Variants in SLC41A3 observed in about 807,000 individuals in gnomAD.
SLC41A3 encodes SLC41A1-like 2.
In SLC41A3, 44 loss-of-function variants were observed where a neutral mutation model predicts 45.4. The observed-to-expected ratio is 0.97, with a 90% CI of 0.76 to 1.25. The LOEUF is 1.25. SLC41A3 is among the 50% of genes most tolerant of loss of function. SLC41A3 has a pLI of 0.00. For synonymous variants in SLC41A3, 256 were observed against 252.4 expected, an observed-to-expected ratio of 1.01 and a Z score of -0.13; for missense variants, 550 against 600.6, an observed-to-expected ratio of 0.92 and a Z score of 0.88.
At chr3:126,095,541 A>G (rs540417430) in intron 1 of SLC41A3, among the ~76,000 whole-genome samples, 3 of 152,358 alleles carry the variant, frequency 2.0e-5, no homozygotes, top group East Asian at 1.9e-4. Flanking sequence ...GGGCATATTT[A>G]TCAATCTTGG....
chr3:126,032,143 G>C (rs1941842915), intron 4 of SLC41A3, among the ~76,000 whole-genome samples: 1 of 152,190 alleles, frequency 6.6e-6, no homozygotes, highest in Non-Finnish European at 1.5e-5. Context: ...TGAAGGGGTG[G>C]GGGCTGGGCA....
At chr3:126,056,330 C>T in intron 2 of SLC41A3, 1 of 1,607,730 alleles carries the variant, frequency 6.2e-7, no homozygotes, top group Non-Finnish European at 8.5e-7. Context: ...GTCTCCCACC[C>T]CTGATCCCCC....
intron 3 of SLC41A3, among the ~76,000 whole-genome samples, chr3:126,046,467 G>T (rs539073177): frequency 6.6e-6 from 1 of 151,526 alleles, no homozygotes; most frequent in Non-Finnish European, 1.5e-5. Flanking sequence ...CAATAACAAT[G>T]AATAATTCAA....
chr3:126,050,593 T>C (rs2107884413), intron 3 of SLC41A3, among the ~76,000 whole-genome samples: 1 of 152,268 alleles, frequency 6.6e-6, no homozygotes, highest in South Asian at 2.1e-4. Flanking sequence ...GCATTGCTTG[T>C]CGTGGCTTCT....
At chr3:126,053,579 A>G (rs1943476768) in intron 2 of SLC41A3, among the ~76,000 whole-genome samples, 2 of 151,912 alleles carry the variant, frequency 1.3e-5, no homozygotes, top group Non-Finnish European at 2.9e-5. Context: ...TACCTAACCA[A>G]TTCTGGCACT....
At chr3:126,034,910 C>T (rs1480601202) in intron 3 of SLC41A3, among the ~76,000 whole-genome samples, 1 of 152,348 alleles carries the variant, frequency 6.6e-6, no homozygotes, top group African/African-American at 2.4e-5. Context: ...TAAAAGTACA[C>T]ATCTATAGCC....
At chr3:126,059,149 C>A (rs2107956546) in intron 2 of SLC41A3, among the ~76,000 whole-genome samples, 1 of 150,156 alleles carries the variant, frequency 6.7e-6, no homozygotes, top group Middle Eastern at 3.4e-3. Flanking sequence ...TACTTAGGGC[C>A]TAGTAATTGC....
At chr3:126,044,803 G>T (rs1942840934) in intron 3 of SLC41A3, among the ~76,000 whole-genome samples, 1 of 146,478 alleles carries the variant, frequency 6.8e-6, no homozygotes, top group Non-Finnish European at 1.5e-5. Context: ...GGCTGAGGCA[G>T]AAGAATGGCG....
At chr3:126,089,678 A>T (rs930286152) in intron 1 of SLC41A3, among the ~76,000 whole-genome samples, 1 of 152,250 alleles carries the variant, frequency 6.6e-6, no homozygotes, top group Admixed American at 6.5e-5. Flanking sequence ...GTACTTCCCA[A>T]TGACAAAAAC....
chr3:126,055,948 A>C (rs1366914465), intron 2 of SLC41A3, among the ~76,000 whole-genome samples: 1 of 152,084 alleles, frequency 6.6e-6, no homozygotes, highest in East Asian at 1.9e-4. Context: ...TCTGGTCCTC[A>C]CAATTCTGTG....
chr3:126,076,079 T>C (rs1442037344), intron 1 of SLC41A3, among the ~76,000 whole-genome samples: 1 of 152,252 alleles, frequency 6.6e-6, no homozygotes, highest in Non-Finnish European at 1.5e-5. Flanking sequence ...AATCATTATA[T>C]CTAATGAGGG....
chr3:126,089,703 TC>T (rs1945454474), intron 1 of SLC41A3, among the ~76,000 whole-genome samples: 1 of 152,248 alleles, frequency 6.6e-6, no homozygotes, highest in Admixed American at 6.5e-5. Context: ...CTAGAGAATT[TC>T]CAGTTGAGGG....
chr3:126,012,531 C>T (rs1939824020), intron 9 of SLC41A3, 84 bp downstream of exon 9: 1 of 1,567,038 alleles, frequency 6.4e-7, no homozygotes, highest in East Asian at 2.3e-5. Context: ...GCATCCATTG[C>T]TACAAACACC....
intron 1 of SLC41A3, among the ~76,000 whole-genome samples, chr3:126,100,004 G>C (rs1945678204): frequency 6.6e-6 from 1 of 152,140 alleles, no homozygotes; most frequent in Non-Finnish European, 1.5e-5. Flanking sequence ...TCTGCAGTCT[G>C]TTCCTGTTTG....
intron 3 of SLC41A3, among the ~76,000 whole-genome samples, chr3:126,044,875 G>A (rs1467127713): frequency 5.1e-5 from 6 of 117,150 alleles, no homozygotes; most frequent in Admixed American, 1.1e-4. Flanking sequence ...CAGCCTGGGC[G>A]ACAGAGCGAG....
At chr3:126,021,372 G>C (rs1940868096) in intron 6 of SLC41A3, among the ~76,000 whole-genome samples, 1 of 152,154 alleles carries the variant, frequency 6.6e-6, no homozygotes, top group South Asian at 2.1e-4. Flanking sequence ...AGTTCTCACT[G>C]GTCCAGCGCT....
chr3:126,069,041 A>G (rs1387096875), intron 1 of SLC41A3, among the ~76,000 whole-genome samples: 1 of 151,824 alleles, frequency 6.6e-6, no homozygotes, highest in East Asian at 1.9e-4. Context: ...GGTTTCGAAA[A>G]ATTCCCGCAC....
intron 5 of SLC41A3, chr3:126,024,763 A>G (rs1454402536): frequency 6.6e-6 from 1 of 152,264 alleles, no homozygotes; most frequent in East Asian, 1.9e-4. Flanking sequence ...CGTGGTCTGG[A>G]AGATTCACAA....
chr3:126,092,448 T>C (rs561055810), intron 1 of SLC41A3: 1 of 152,370 alleles, frequency 6.6e-6, no homozygotes, highest in Admixed American at 6.5e-5. Context: ...GGCTTGCTGC[T>C]AATAAATACG....
Sources: gnomAD v4.1 joint callset for allele counts (sites outside exome capture counted in the v4.1 genomes callset) on GRCh38, gnomAD v4.1.1 for gene constraint, MANE v1.5 for transcripts, NCBI Gene and HGNC (gene_info 2026-07-23, HGNC 2026-07-21) for gene names.